Variants in ZNF107 observed in about 807,000 individuals in gnomAD.
ZNF107 encodes C2H2 type zinc-finger protein.
A neutral mutation model predicts 12.3 loss-of-function variants in ZNF107; 19 were observed. The observed-to-expected ratio is 1.55, with a 90% CI of 1.08 to 2.27. The LOEUF (loss-of-function observed/expected upper bound fraction) is 2.27. Ranked by LOEUF, ZNF107 falls within the 30% of genes most tolerant of loss-of-function variation. The pLI, the probability that ZNF107 is intolerant of heterozygous loss-of-function variation, is 0.00. For missense variants in ZNF107, 958 were observed against 979.9 expected (o/e 0.98, Z 0.30); for synonymous variants, 317 against 330.5 (o/e 0.96, Z 0.44).
intron 3 of ZNF107, among the ~76,000 whole-genome samples, chr7:64,702,297 A>G (rs1225826628): frequency 1.3e-5 from 2 of 151,030 alleles, no homozygotes; most frequent in African/African-American, 2.4e-5. Context: ...TTACAGGCAC[A>G]CTGTAATTTT....
intron 1 of ZNF107, among the ~76,000 whole-genome samples, chr7:64,685,794 G>T (rs1669849696): frequency 6.6e-6 from 1 of 152,074 alleles, no homozygotes; most frequent in Non-Finnish European, 1.5e-5. Context: ...CCACTAACTG[G>T]ACAAGCACCT....
chr7:64,682,265 C>T (rs371371195), intron 1 of ZNF107, among the ~76,000 whole-genome samples: 4 of 152,066 alleles, frequency 2.6e-5, no homozygotes, highest in Non-Finnish European at 5.9e-5. Flanking sequence ...TCTCCATCAG[C>T]ACACCCGCAC....
At chr7:64,668,333 T>C (rs891579020) in intron 1 of ZNF107, among the ~76,000 whole-genome samples, 2 of 108,862 alleles carry the variant, frequency 1.8e-5, no homozygotes, top group African/African-American at 7.3e-5. Flanking sequence ...CAGGCCCCAG[T>C]GTGTGATGTT....
intron 1 of ZNF107, among the ~76,000 whole-genome samples, chr7:64,679,520 G>T (rs193269615): frequency 6.6e-6 from 1 of 152,170 alleles, no homozygotes; most frequent in East Asian, 2.0e-4. Context: ...ACCCAGATGG[G>T]GACACCTGCT....
chr7:64,706,724 C>T lies in ZNF107; in HGVS notation c.627C>T (p.Ala209=). ...NSYKCEECGK[A]FNWFSTLTKH... The stretch of plus-strand genomic sequence containing the variant: ...ACAAATGTGAAGAATGTGGAAAAGC[C>T]TTTAACTGGTTCTCAACTCTTACTA... The change falls in exon 4 of 4, where the codon GCC becomes GCT. Residue 209 remains alanine (A), a synonymous_variant. Transcript: ENST00000620827. The T allele has an allele frequency of 2.5e-6, 4 of 1,612,434 alleles. No homozygotes were observed. Among genetic ancestry groups the T allele is most frequent in the South Asian group, 1.1e-5 (1 of 90,878 alleles).
chr7:64,691,801 A>G, intron 2 of ZNF107, 64 bp from the exon 3 acceptor site: 1 of 919,370 alleles, frequency 1.1e-6, no homozygotes, highest in South Asian at 3.2e-5. Context: ...TGAGCACCTT[A>G]CTGGATTAGT....
At chr7:64,693,318 T>G (rs548422315) in intron 3 of ZNF107, among the ~76,000 whole-genome samples, 2 of 151,498 alleles carry the variant, frequency 1.3e-5, no homozygotes, top group East Asian at 1.9e-4. Context: ...TGGCCAGTTT[T>G]TTTTTTTTTT....
intron 1 of ZNF107, among the ~76,000 whole-genome samples, chr7:64,680,854 C>G (rs1467087346): frequency 6.6e-6 from 1 of 152,194 alleles, no homozygotes; most frequent in African/African-American, 2.4e-5. Flanking sequence ...ATTACAGATG[C>G]TTGCCTCCGC....
intron 1 of ZNF107, among the ~76,000 whole-genome samples, chr7:64,671,389 G>GT (rs1387323489): frequency 3.3e-5 from 5 of 152,252 alleles, no homozygotes; most frequent in Admixed American, 6.5e-5. Context: ...TTATTCTAGT[G>GT]TTTTTTGCCA....
Position 64,706,426 on chromosome 7 carries a change from A to G in ZNF107, c.329A>G (p.Asn110Ser), listed in dbSNP as rs775681998. The change falls in exon 4 of 4, where the codon AAT becomes AGT. Residue 110 changes from asparagine (N) to serine (S), a missense_variant. Physicochemically the swap from Asn to Ser is conservative, Grantham distance 46. Coordinates refer to ENST00000620827, the MANE Select transcript of ZNF107 (RefSeq NM_001282359.2). ...AGATACGGAAAATGTGAATATGAGA[A>G]TTTACAGTTAAGAAAAGGCTGTAAA... ...LRRYGKCEYE[N>S]LQLRKGCKHV... is the part of the protein sequence containing the mutation. 1.9e-6 allele frequency: 3 copies of G among 1,613,556 alleles called. No homozygotes were observed. Among genetic ancestry groups the G allele is most frequent in the African/African-American group, 2.7e-5 (2 of 74,920 alleles).
At chr7:64,683,885 G>A (rs1789790423) in intron 1 of ZNF107, among the ~76,000 whole-genome samples, 1 of 152,158 alleles carries the variant, frequency 6.6e-6, no homozygotes, top group African/African-American at 2.4e-5. Context: ...CACCAGATGG[G>A]TCGAGGCCTT....
rs1435529475 is a variant in ZNF107 at position 64,709,798 on chromosome 7, C to G, written c.*1142C>G. On this transcript the variant is annotated 3_prime_UTR_variant, in exon 4 of 4. Coordinates refer to ENST00000620827, the MANE Select transcript of ZNF107 (RefSeq NM_001282359.2). Reference sequence around the variant, plus strand: ...AAAGCATTATAAATGCAATTTTTGTCAAGAGATCTTTCAGAAAATATAAGC... The same window carrying G: ...AAAGCATTATAAATGCAATTTTTGTGAAGAGATCTTTCAGAAAATATAAGC... 4.5e-6 allele frequency: 2 copies of G among 448,044 alleles called. No homozygotes were observed. The highest frequency in any genetic ancestry group is 4.1e-5 in the African/African-American group (2 of 49,224). 27.8% of individuals were successfully genotyped at this position (448,044 alleles called of 1,614,324 possible).
chr7:64,681,537 C>T (rs553280981), intron 1 of ZNF107, among the ~76,000 whole-genome samples: 8 of 152,184 alleles, frequency 5.3e-5, no homozygotes, highest in South Asian at 4.2e-4. Flanking sequence ...CCACAAGCTC[C>T]TCTAACGTCT....
Position 64,695,000 on chromosome 7 carries a change from A to T in ZNF107, c.226+3040A>T, listed in dbSNP as rs538451797. Among the ~76,000 whole-genome samples the T allele has an allele frequency of 2.8e-4, 43 of 152,198 alleles. No homozygotes were observed. The South Asian group carries it at 8.9e-3, about 32-fold the overall frequency. ...TTTCTTCAGCCTATATCTAAATAAT[A>T]ATATAACTTATTCTCAAATACTTTT... is the stretch of plus-strand genomic sequence containing the variant. On this transcript the variant is annotated intron_variant, in intron 3 of 3. Transcript: ENST00000620827.
Position 64,708,679 on chromosome 7 carries a change from C to T in ZNF107, c.*23C>T, listed in dbSNP as rs541132100. 4.5e-5 allele frequency: 71 copies of T among 1,573,490 alleles called. No individual in the cohort carries two copies. The South Asian group carries it at 7.4e-4, about 16-fold the overall frequency. ...TAATTGATCCTACAAGCTTACTACACATAGGAAAATTCATACTGGAGAGAA... is the reference window on the plus strand; with the variant it reads ...TAATTGATCCTACAAGCTTACTACATATAGGAAAATTCATACTGGAGAGAA... On this transcript the variant is annotated 3_prime_UTR_variant, in exon 4 of 4. Transcript: ENST00000620827.
At chr7:64,695,559 A>G (rs142925351) in intron 3 of ZNF107, among the ~76,000 whole-genome samples, 1 of 152,346 alleles carries the variant, frequency 6.6e-6, no homozygotes, top group African/African-American at 2.4e-5. Context: ...GATAATTTGC[A>G]ATTCTGTTTG....
chr7:64,706,288 G>A (rs1790637676), intron 3 of ZNF107, 36 bp from the exon 4 acceptor site: 1 of 1,484,164 alleles, frequency 6.7e-7, no homozygotes, highest in South Asian at 1.5e-5. Context: ...TCTGAGTCTA[G>A]CAAGTGGAGT....
chr7:64,684,859 AT>A, intron 1 of ZNF107: 1 of 397,610 alleles, frequency 2.5e-6, no homozygotes, highest in Non-Finnish European at 3.4e-6. Flanking sequence ...ACTTCCAGTA[AT>A]GCCTAATTAC....
rs982699294 is a variant in ZNF107 at position 64,709,220 on chromosome 7, G to T, written c.*564G>T. 2 of 406,134 alleles carry T rather than the reference G, an allele frequency of 4.9e-6. No homozygotes were observed. The highest frequency in any genetic ancestry group is 4.0e-5 in the South Asian group (2 of 49,568). 25.2% of individuals were successfully genotyped at this position (406,134 alleles called of 1,614,324 possible). ...TGGAAAGAAACCCTACAAATGTGAA[G>T]TCTGTGGCAAAGCTTTTAACTGATT... On this transcript the variant is annotated 3_prime_UTR_variant, in exon 4 of 4. Transcript: ENST00000620827.
Sources: allele counts gnomAD v4.1 joint callset (sites outside exome capture counted in the v4.1 genomes callset), GRCh38; gene constraint gnomAD v4.1.1; transcripts MANE v1.5; gene names NCBI Gene and HGNC (gene_info 2026-07-23, HGNC 2026-07-21).